DCAF6: variants seen among roughly 807,000 people sequenced by gnomAD.
DCAF6 encodes DDB1 and CUL4 associated factor 6.
DCAF6 carries 54 observed loss-of-function variants against 125.1 expected under a neutral mutation model. The ratio of observed to expected loss-of-function variants is 0.43; its 90% CI spans 0.35 to 0.54. The LOEUF is 0.54. Ranked by LOEUF, DCAF6 falls within the 20% of genes least tolerant of loss-of-function variation. DCAF6 has a pLI of 0.01. For missense variants in DCAF6, 934 were observed against 1,161.7 expected (o/e 0.80, Z 2.85); for synonymous variants, 371 against 390.4 (o/e 0.95, Z 0.58).
At chr1:167,993,063 C>A (rs970293387) in intron 6 of DCAF6, among the ~76,000 whole-genome samples, 163 bp from the exon 7 acceptor site, 2 of 151,974 alleles carry the variant, frequency 1.3e-5, no homozygotes, top group Admixed American at 1.3e-4. Flanking sequence ...TGTTTTGTTA[C>A]AAAATCTGAC....
At chr1:167,967,856 A>G (rs1245902454) in intron 3 of DCAF6, among the ~76,000 whole-genome samples, 1 of 150,678 alleles carries the variant, frequency 6.6e-6, no homozygotes, top group Non-Finnish European at 1.5e-5. Context: ...TCAGCCTCCC[A>G]AGGATCTGGG....
intron 1 of DCAF6, among the ~76,000 whole-genome samples, chr1:167,941,569 T>G (rs781203383): frequency 4.0e-5 from 6 of 151,860 alleles, no homozygotes; most frequent in Non-Finnish European, 7.4e-5. Context: ...ATGCATTCTG[T>G]TTTTTTTCAT....
At chr1:167,868,831 T>C in the DCAF6 span, among the ~76,000 whole-genome samples, 1 of 152,220 alleles carries the variant, frequency 6.6e-6, no homozygotes, top group Non-Finnish European at 1.5e-5. Context: ...CTCATGGGTA[T>C]ACCAGACCCC....
rs191405647 is a variant in DCAF6, at chr1:167,993,705, C to T, written c.903+265C>T. 2.5e-4 allele frequency among the ~76,000 whole-genome samples: 38 copies of T among 152,162 alleles called. No individual in the cohort carries two copies. In the South Asian group the frequency reaches 5.2e-3, roughly 21 times the overall value. On this transcript the variant is annotated intron_variant, in intron 7 of 21. Transcript: ENST00000367840. Reference sequence around the variant, plus strand: ...CGGAGGTTGTGGTGAGCCGAAATCACGCCATCGCACTCCAGCCTGGGCAAC... The same window carrying T: ...CGGAGGTTGTGGTGAGCCGAAATCATGCCATCGCACTCCAGCCTGGGCAAC...
At chr1:167,974,803 A>AT (rs1367247592) in intron 3 of DCAF6, 27 bp from the exon 4 acceptor site, 2 of 1,463,090 alleles carry the variant, frequency 1.4e-6, no homozygotes, top group African/African-American at 2.9e-5. Flanking sequence ...ATAAGTTACC[A>AT]TTAACTGCTT....
intron 5 of DCAF6, 54 bp from the exon 6 acceptor site, chr1:167,991,150 A>C (rs747645638): frequency 1.7e-4 from 243 of 1,401,660 alleles, no homozygotes; most frequent in Non-Finnish European, 2.2e-4. Context: ...TTTAAATATA[A>C]TTTCACCTCT....
At chr1:167,880,167 A>G in the DCAF6 span, 42 of 1,613,462 alleles carry the variant, frequency 2.6e-5, no homozygotes, top group Non-Finnish European at 3.5e-5. Context: ...AGACAATCCC[A>G]CTGGCAACAC....
At chr1:168,008,423 C>T (rs1354051690) in intron 10 of DCAF6, among the ~76,000 whole-genome samples, 1 of 152,094 alleles carries the variant, frequency 6.6e-6, no homozygotes. Context: ...AGTCCCATGC[C>T]AGCTCATCAG....
chr1:168,070,599 C>T (rs961838915), intron 21 of DCAF6, among the ~76,000 whole-genome samples: 1 of 152,174 alleles, frequency 6.6e-6, no homozygotes, highest in Non-Finnish European at 1.5e-5. Flanking sequence ...CTAGGTCTCA[C>T]CTGCTAAAGA....
rs573566321 is a variant in DCAF6 at position 167,974,830 on chromosome 1, G to A, written c.253G>A (p.Val85Ile). The A allele has an allele frequency of 2.0e-6, 3 of 1,520,282 alleles. No individual in the cohort carries two copies. The highest frequency in any genetic ancestry group is 4.3e-5 in the Admixed American group (2 of 46,856). The allele number at this position is 1,520,282 out of a possible 1,614,324, so 94.2% of individuals were successfully genotyped here. A position where few individuals can be genotyped will look rare whatever the true frequency, so the allele number is the denominator to read the frequency against. The change falls in exon 4 of 22, where the codon GTT becomes ATT. Residue 85 changes from valine (V) to isoleucine (I), a missense_variant and splice_region_variant. This residue lies in a region of DCAF6 where 309 missense variants were observed against 381.2 expected (regional missense o/e 0.81). Transcript: ENST00000367840. ...TAACTGCTTTCTTTGTGTGTTTTAG[G>A]TTTTGACAACAATTCGTTCAGGGCA... The part of the protein sequence containing the change: ...LVISNPYSRK[V>I]LTTIRSGHRA...
Position 168,075,350 on chromosome 1 carries a change from T to C in DCAF6, c.2792-21T>C, listed in dbSNP as rs144008662. ...TTACTAAAAGTATTTCTCTTTGCGA[T>C]TCTCTTATCTGTGTTTCCAGACCGG... is the stretch of plus-strand genomic sequence containing the variant. On this transcript the variant is annotated intron_variant, in intron 21 of 21. Coordinates refer to ENST00000367840, the MANE Select transcript of DCAF6 (RefSeq NM_001198956.2). 1.4e-4 allele frequency: 229 copies of C among 1,581,452 alleles called. No individual in the cohort carries two copies. The East Asian group carries it at 4.2e-3, about 29-fold the overall frequency.
At chr1:167,909,287 GA>G in the DCAF6 span, among the ~76,000 whole-genome samples, 8 of 151,976 alleles carry the variant, frequency 5.3e-5, no homozygotes, top group East Asian at 1.5e-3. Flanking sequence ...CTATACTATT[GA>G]CCTGTGGGTT....
At chr1:168,062,072 A>G (rs1691661411) in intron 17 of DCAF6, among the ~76,000 whole-genome samples, 3 of 152,146 alleles carry the variant, frequency 2.0e-5, no homozygotes, top group African/African-American at 7.2e-5. Context: ...CTCTGCAGCA[A>G]AAAGGATGAA....
intron 1 of DCAF6, among the ~76,000 whole-genome samples, chr1:167,941,878 G>T (rs1390209118): frequency 6.6e-6 from 1 of 152,108 alleles, no homozygotes; most frequent in Non-Finnish European, 1.5e-5. Context: ...TGTATGGTAA[G>T]TATGTTTAAC....
rs191231856 is a variant in DCAF6 at position 167,977,333 on chromosome 1, T to A, written c.438+2318T>A. 4.9e-3 allele frequency among the ~76,000 whole-genome samples: 752 copies of A among 151,972 alleles called. 4 individuals are homozygous for A. Among genetic ancestry groups the A allele is most frequent in the African/African-American group, 0.017 (705 of 41,476 alleles). ...CTTTGTGAAAAATGTCTTTTTTTTT[T>A]AAATGCCAGTTCTTCAAAGATAGTT... On this transcript the variant is annotated intron_variant, in intron 4 of 21. Transcript: ENST00000367840.
At chr1:167,895,701 C>T in the DCAF6 span, among the ~76,000 whole-genome samples, 6 of 152,212 alleles carry the variant, frequency 3.9e-5, no homozygotes, top group Non-Finnish European at 7.3e-5. Flanking sequence ...GCTGTTAGGT[C>T]TGAGACTCGG....
At chr1:167,876,305 AG>A in the DCAF6 span, among the ~76,000 whole-genome samples, 4 of 151,764 alleles carry the variant, frequency 2.6e-5, no homozygotes, top group Admixed American at 2.0e-4. Context: ...TTTGCCAGTG[AG>A]GAAATTCAGG....
intron 4 of DCAF6, among the ~76,000 whole-genome samples, chr1:167,978,100 T>G (rs1319501523): frequency 6.6e-6 from 1 of 152,248 alleles, no homozygotes; most frequent in African/African-American, 2.4e-5. Context: ...TTTGCCCATT[T>G]TATTACTGTA....
intron 2 of DCAF6, among the ~76,000 whole-genome samples, chr1:167,957,526 C>T (rs1178109733): frequency 3.3e-5 from 5 of 152,050 alleles, no homozygotes; most frequent in African/African-American, 1.2e-4. Flanking sequence ...TTAATCTGTT[C>T]ATCAGTTGTT....
Sources: allele counts gnomAD v4.1 joint callset (sites outside exome capture counted in the v4.1 genomes callset), GRCh38; gene constraint gnomAD v4.1.1; regional missense constraint gnomAD v4.1.1; transcripts MANE v1.5; gene names NCBI Gene and HGNC (gene_info 2026-07-23, HGNC 2026-07-21).